Variants in DSCAM observed in about 807,000 individuals in gnomAD.
DSCAM encodes the protein DS cell adhesion molecule.
Under a neutral mutation model 217.7 loss-of-function variants are expected in DSCAM, and 47 were observed. That is an observed-to-expected ratio of 0.22 (90% confidence interval 0.17 to 0.28). The LOEUF (loss-of-function observed/expected upper bound fraction) is 0.28. DSCAM is among the 10% of genes least tolerant of loss of function. DSCAM has a pLI of 1.00. For synonymous variants in DSCAM, 1,056 were observed against 1,015.3 expected (o/e 1.04, Z -0.76); for missense variants, 2,080 against 2,618.3 (o/e 0.79, Z 4.49).
chr21:40,589,696 C>A (rs2076970778), intron 3 of DSCAM, among the ~76,000 whole-genome samples: 1 of 152,166 alleles, frequency 6.6e-6, no homozygotes, highest in African/African-American at 2.4e-5. Flanking sequence ...TTTTTGAAAT[C>A]ATCTTTGGCA....
At chr21:40,442,789 C>A (rs781274329) in intron 3 of DSCAM, among the ~76,000 whole-genome samples, 1 of 152,162 alleles carries the variant, frequency 6.6e-6, no homozygotes, top group East Asian at 1.9e-4. Flanking sequence ...GGATTACAGA[C>A]GTGAGCCACC....
At chr21:40,538,938 C>T (rs964002963) in intron 3 of DSCAM, among the ~76,000 whole-genome samples, 3 of 152,128 alleles carry the variant, frequency 2.0e-5, no homozygotes, top group Admixed American at 2.0e-4. Context: ...TGAAACAGCA[C>T]AAAGGAAAAT....
chr21:40,518,589 CACACACACATATAT>C (rs201141211), intron 3 of DSCAM, among the ~76,000 whole-genome samples: 2,219 of 86,974 alleles, frequency 0.026, 49 homozygotes, highest in East Asian at 0.13. Context: ...CACACATATA[CACACACACATATAT>C]ACATACACAC....
chr21:40,738,733 G>A (rs926236136), intron 1 of DSCAM, among the ~76,000 whole-genome samples: 4 of 152,186 alleles, frequency 2.6e-5, no homozygotes, highest in East Asian at 1.9e-4. Context: ...ACAAATCATC[G>A]AGTGACGTTG....
intron 3 of DSCAM, among the ~76,000 whole-genome samples, chr21:40,500,831 C>T (rs2076165163): frequency 6.6e-6 from 1 of 152,166 alleles, no homozygotes; most frequent in African/African-American, 2.4e-5. Flanking sequence ...CTGATGCCTC[C>T]CATTGTGGAA....
At chr21:40,307,361 T>C (rs1456227424) in intron 9 of DSCAM, among the ~76,000 whole-genome samples, 5 of 151,998 alleles carry the variant, frequency 3.3e-5, no homozygotes, top group African/African-American at 1.2e-4. Flanking sequence ...ATCAGAGAAA[T>C]GCAAATCAAA....
chr21:40,798,990 CTAAAAT>C (rs1419070505), intron 1 of DSCAM, among the ~76,000 whole-genome samples: 1 of 152,024 alleles, frequency 6.6e-6, no homozygotes, highest in Non-Finnish European at 1.5e-5. Context: ...TGTTTTACTT[CTAAAAT>C]TAAGCTACTG....
chr21:40,505,091 CTG>C (rs2076199658), intron 3 of DSCAM, among the ~76,000 whole-genome samples: 1 of 152,154 alleles, frequency 6.6e-6, no homozygotes, highest in African/African-American at 2.4e-5. Context: ...GTCCCACCTC[CTG>C]GTTGCCCATT....
chr21:40,672,220 T>C (rs1426224237), intron 3 of DSCAM, among the ~76,000 whole-genome samples: 1 of 152,020 alleles, frequency 6.6e-6, no homozygotes. Flanking sequence ...TCAACATATA[T>C]GGCTTTTAGA....
chr21:40,218,347 A>T (rs567306012), intron 11 of DSCAM, among the ~76,000 whole-genome samples: 1 of 152,180 alleles, frequency 6.6e-6, no homozygotes, highest in Non-Finnish European at 1.5e-5. Flanking sequence ...GTTCCATTGG[A>T]CGATGAGCCT....
At chr21:40,581,878 CAAAGT>C (rs1475621793) in intron 3 of DSCAM, among the ~76,000 whole-genome samples, 1 of 152,046 alleles carries the variant, frequency 6.6e-6, no homozygotes, top group Non-Finnish European at 1.5e-5. Context: ...AAAAAATTAA[CAAAGT>C]AACGCAATCA....
chr21:40,722,059 G>A (rs1044512605), intron 1 of DSCAM, among the ~76,000 whole-genome samples: 1 of 151,962 alleles, frequency 6.6e-6, no homozygotes, highest in African/African-American at 2.4e-5. Context: ...AAGAAAAACT[G>A]TCAACCTAAA....
chr21:40,518,454 T>TTATA (rs71917698), intron 3 of DSCAM, among the ~76,000 whole-genome samples: 1 of 3,290 alleles, frequency 3.0e-4, no homozygotes, highest in African/African-American at 1.7e-3. Flanking sequence ...ATATTATATA[T>TTATA]TATATATAAT....
chr21:40,071,205 T>A (rs924683771), intron 27 of DSCAM, among the ~76,000 whole-genome samples: 1 of 152,162 alleles, frequency 6.6e-6, no homozygotes, highest in Non-Finnish European at 1.5e-5. Context: ...CTTCAAAGGA[T>A]CTAGAAGTTC....
At chr21:40,188,147 C>T (rs910517717) in intron 12 of DSCAM, among the ~76,000 whole-genome samples, 160 bp from the exon 13 acceptor site, 2 of 152,170 alleles carry the variant, frequency 1.3e-5, no homozygotes, top group African/African-American at 2.4e-5. Flanking sequence ...CCCCATTCCT[C>T]CAGACTCACA....
At chr21:40,166,642 C>G (rs1169232969) in intron 16 of DSCAM, among the ~76,000 whole-genome samples, 1 of 152,248 alleles carries the variant, frequency 6.6e-6, no homozygotes, top group Non-Finnish European at 1.5e-5. Flanking sequence ...AGCTTTCTTT[C>G]TCTCCCAGCT....
intron 11 of DSCAM, among the ~76,000 whole-genome samples, chr21:40,213,977 T>C (rs1441123031): frequency 1.3e-5 from 2 of 152,178 alleles, no homozygotes; most frequent in African/African-American, 4.8e-5. Flanking sequence ...CACACCTACA[T>C]GGTGAGGAAT....
At chr21:40,354,718 G>A (rs183502285) in intron 4 of DSCAM, among the ~76,000 whole-genome samples, 96 of 151,742 alleles carry the variant, frequency 6.3e-4, no homozygotes, top group African/African-American at 2.0e-3. Flanking sequence ...GTGTGGTGGC[G>A]GGCGCCTGTA....
intron 3 of DSCAM, among the ~76,000 whole-genome samples, chr21:40,533,616 T>TCCATCCATTCAACCATCCATCCAA (rs1555852322): frequency 9.0e-4 from 127 of 141,174 alleles, no homozygotes; most frequent in East Asian, 2.7e-3. Context: ...CATCCATCCA[T>TCCATCCATTCAACCATCCATCCAA]CCATCCATCC....
Sources: allele counts gnomAD v4.1 joint callset (sites outside exome capture counted in the v4.1 genomes callset), GRCh38; gene constraint gnomAD v4.1.1; transcripts MANE v1.5; gene names NCBI Gene and HGNC (gene_info 2026-07-23, HGNC 2026-07-21).